The following MRTFA variants were observed in gnomAD, a reference collection of about 807,000 sequenced individuals.
MRTFA encodes myocardin-related transcription factor A.
Under a neutral mutation model 83.5 loss-of-function variants are expected in MRTFA, and 20 were observed. The observed-to-expected ratio is 0.24, with a 90% CI of 0.17 to 0.35. The LOEUF (loss-of-function observed/expected upper bound fraction) is 0.35. MRTFA is among the 10% of genes least tolerant of loss of function. The pLI, the probability that MRTFA is intolerant of heterozygous loss-of-function variation, is 1.00. For missense variants in MRTFA, 1,200 were observed against 1,224.7 expected, an observed-to-expected ratio of 0.98 and a Z score of 0.30; for synonymous variants, 659 against 541.2, an observed-to-expected ratio of 1.22 and a Z score of -3.02.
At chr22:40,476,687 A>T (rs57743801) in intron 3 of MRTFA, among the ~76,000 whole-genome samples, 3,021 of 152,154 alleles carry the variant, frequency 0.02, 90 homozygotes, top group African/African-American at 0.068. Context: ...TCCTGGGCTC[A>T]AATGATCCAC....
At position 40,429,199 on chromosome 22, in the gene MRTFA, T is replaced by C. The variant is rs113375936; in HGVS notation, c.601+407A>G. Reference sequence around the variant, plus strand: ...CCATCAGTATTTGTTAAGTGAAATATCCGTGGAAAGGGCCAGTCTCCAAGA... The same window carrying C: ...CCATCAGTATTTGTTAAGTGAAATACCCGTGGAAAGGGCCAGTCTCCAAGA... On this transcript the variant is annotated intron_variant, in intron 7 of 14. Transcript: ENST00000355630. Among the ~76,000 whole-genome samples, 412 of 152,278 alleles carry C rather than the reference T, an allele frequency of 2.7e-3. 3 individuals carry two copies. Among genetic ancestry groups the C allele is most frequent in the African/African-American group, 9.5e-3 (396 of 41,552 alleles).
chr22:40,574,716 T>C (rs1047921071), intron 2 of MRTFA, among the ~76,000 whole-genome samples: 6 of 152,024 alleles, frequency 3.9e-5, no homozygotes, highest in African/African-American at 1.5e-4. Flanking sequence ...TTATAGATGT[T>C]AGCCACCATG....
At chr22:40,484,546 C>T (rs1198714987) in intron 3 of MRTFA, among the ~76,000 whole-genome samples, 2 of 152,134 alleles carry the variant, frequency 1.3e-5, no homozygotes, top group Non-Finnish European at 2.9e-5. Context: ...ATAAGTACCG[C>T]AACTTTGTAT....
intron 2 of MRTFA, among the ~76,000 whole-genome samples, chr22:40,590,358 G>A (rs1001830139): frequency 3.3e-5 from 5 of 151,950 alleles, no homozygotes; most frequent in Non-Finnish European, 7.4e-5. Flanking sequence ...AACCAACATG[G>A]TAGGTAAGCC....
chr22:40,441,097 A>G lies in MRTFA; in HGVS notation c.308-5543T>C, dbSNP rs562215393. ...AAAGACCAATGCAAAGACAAGAGTCATGTGTGTTTATAAGAATATATATAT... is the reference window on the plus strand; with the variant it reads ...AAAGACCAATGCAAAGACAAGAGTCGTGTGTGTTTATAAGAATATATATAT... On this transcript the variant is annotated intron_variant, in intron 4 of 14. Transcript: ENST00000355630. Among the ~76,000 whole-genome samples the G allele has an allele frequency of 3.3e-5, 5 of 152,310 alleles. No homozygotes were observed. The South Asian group carries it at 8.3e-4, about 25-fold the overall frequency.
At position 40,418,946 on chromosome 22, in the gene MRTFA, C is replaced by G. The variant is rs199750225; in HGVS notation, c.1792G>C (p.Val598Leu). 1.7e-5 allele frequency: 28 copies of G among 1,612,768 alleles called. No individual in the cohort carries two copies. The highest frequency in any genetic ancestry group is 2.3e-5 in the Non-Finnish European group (27 of 1,179,950). ...CCGGCCCGGGGGCCCTCCTCCTTCA[C>G]GAGGATCTGCAGTGGCGAGGCCTGC... Residue 598 changes from valine to leucine, a missense_variant, in exon 12 of 15, where the codon GTG becomes CTG. Transcript: ENST00000355630.
intron 3 of MRTFA, among the ~76,000 whole-genome samples, chr22:40,527,138 A>G (rs2054990007): frequency 6.7e-6 from 1 of 149,104 alleles, no homozygotes; most frequent in Admixed American, 6.8e-5. Context: ...AGATACACAC[A>G]CACACACACA....
intron 1 of MRTFA, among the ~76,000 whole-genome samples, chr22:40,617,499 G>A (rs898882540): frequency 1.1e-4 from 16 of 151,898 alleles, no homozygotes; most frequent in Non-Finnish European, 2.1e-4. Context: ...GGCCGAGGCC[G>A]GTGGATCACA....
rs1362133582 is a variant in MRTFA at position 40,421,156 on chromosome 22, G to A, written c.928-56C>T. 10 of 1,503,184 alleles carry A rather than the reference G, an allele frequency of 6.7e-6. No homozygotes were observed. In the Admixed American group the frequency reaches 1.6e-4, roughly 25 times the overall value. The allele number at this position is 1,503,184 out of a possible 1,614,324, so 93.1% of individuals were successfully genotyped here. A position where few individuals can be genotyped will look rare whatever the true frequency, so the allele number is the denominator to read the frequency against. ...GGGGCAGCCTCAGGCTTCTCGGGGT[G>A]GGGCTGGCAACTCTCCCCACACCTG... On this transcript the variant is annotated intron_variant, in intron 9 of 14. Transcript: ENST00000355630.
chr22:40,537,836 C>T (rs1446271297), intron 3 of MRTFA, among the ~76,000 whole-genome samples: 5 of 22,368 alleles, frequency 2.2e-4, no homozygotes, highest in Admixed American at 7.2e-4. Context: ...AGCCCTCCGC[C>T]CGGCCAGCCG....
chr22:40,456,805 A>G (rs2053593909), intron 4 of MRTFA, among the ~76,000 whole-genome samples: 1 of 152,160 alleles, frequency 6.6e-6, no homozygotes, highest in Non-Finnish European at 1.5e-5. Flanking sequence ...AAGTCTCTGT[A>G]TCCTTTGATT....
chr22:40,519,457 T>C lies in MRTFA; in HGVS notation c.241+32649A>G, dbSNP rs1262552839. 5 of 1,337,138 alleles carry C rather than the reference T, an allele frequency of 3.7e-6. No individual in the cohort carries two copies. In the East Asian group the frequency reaches 2.0e-4, roughly 55 times the overall value. The allele number at this position is 1,337,138 out of a possible 1,614,324, so 82.8% of individuals were successfully genotyped here. On this transcript the variant is annotated intron_variant, in intron 3 of 14. Transcript: ENST00000355630. Reference sequence around the variant, plus strand: ...GATGAAGGCGATGTTGTTTTAGCGTTACCTACCAGTGCTGCCCTCTCTTCT... The same window carrying C: ...GATGAAGGCGATGTTGTTTTAGCGTCACCTACCAGTGCTGCCCTCTCTTCT...
At chr22:40,415,759 G>A (rs1199067788) in intron 14 of MRTFA, among the ~76,000 whole-genome samples, 7 of 151,958 alleles carry the variant, frequency 4.6e-5, no homozygotes, top group Admixed American at 3.3e-4. Context: ...AGCTCTCTAC[G>A]GCCACCCCCA....
At chr22:40,579,937 C>T (rs1039861441) in intron 2 of MRTFA, among the ~76,000 whole-genome samples, 5 of 151,238 alleles carry the variant, frequency 3.3e-5, no homozygotes, top group Non-Finnish European at 7.4e-5. Context: ...AACCCATGCA[C>T]TTTTAGTAAG....
chr22:40,514,910 CTTT>C (rs1338372081), intron 3 of MRTFA, among the ~76,000 whole-genome samples: 6 of 130,804 alleles, frequency 4.6e-5, no homozygotes, highest in Admixed American at 7.6e-5. Flanking sequence ...ATATTTCTTC[CTTT>C]TTTTTTTTTT....
intron 1 of MRTFA, among the ~76,000 whole-genome samples, chr22:40,626,464 T>G (rs892898332): frequency 6.6e-6 from 1 of 152,146 alleles, no homozygotes; most frequent in South Asian, 2.1e-4. Context: ...GGTTATTTTT[T>G]GTATTTTTTG....
At chr22:40,549,430 TAAAC>T (rs1180320488) in intron 3 of MRTFA, among the ~76,000 whole-genome samples, 1 of 152,170 alleles carries the variant, frequency 6.6e-6, no homozygotes, top group Non-Finnish European at 1.5e-5. Context: ...CAATTCAACA[TAAAC>T]AAATTTCAAA....
At chr22:40,585,681 T>C (rs2056017980) in intron 2 of MRTFA, among the ~76,000 whole-genome samples, 1 of 152,138 alleles carries the variant, frequency 6.6e-6, no homozygotes. Flanking sequence ...AGAACAGAGC[T>C]AGGTGATGGC....
intron 1 of MRTFA, among the ~76,000 whole-genome samples, chr22:40,629,269 C>A (rs1329656164): frequency 6.6e-6 from 1 of 151,280 alleles, no homozygotes; most frequent in Non-Finnish European, 1.5e-5. Flanking sequence ...TATGGTGAAA[C>A]CCCGTCTCTA....
Sources: allele counts gnomAD v4.1 joint callset (sites outside exome capture counted in the v4.1 genomes callset), GRCh38; gene constraint gnomAD v4.1.1; transcripts MANE v1.5; gene names NCBI Gene and HGNC (gene_info 2026-07-23, HGNC 2026-07-21).